The following FHIT variants were observed in gnomAD, a reference collection of about 807,000 sequenced individuals.
FHIT encodes bis(5'-adenosyl)-triphosphatase.
A neutral mutation model predicts 17.9 loss-of-function variants in FHIT; 19 were observed. That is an observed-to-expected ratio of 1.06 (90% CI 0.74 to 1.56). The LOEUF is 1.56. Ranked by LOEUF, FHIT falls within the 40% of genes most tolerant of loss-of-function variation. The pLI, the probability that FHIT is intolerant of heterozygous loss-of-function variation, is 0.00. For missense variants in FHIT, 248 were observed against 189.2 expected (o/e 1.31, Z -1.82); for synonymous variants, 81 against 69.7 (o/e 1.16, Z -0.81).
At chr3:60,554,591 T>C (rs1217385040) in intron 4 of FHIT, among the ~76,000 whole-genome samples, 1 of 152,116 alleles carries the variant, frequency 6.6e-6, no homozygotes, top group African/African-American at 2.4e-5. Flanking sequence ...TCCAAAGGGG[T>C]TCCTGTAGCA....
chr3:61,203,249 T>G (rs1010802342), intron 1 of FHIT, among the ~76,000 whole-genome samples: 6 of 149,500 alleles, frequency 4.0e-5, no homozygotes, highest in Non-Finnish European at 7.4e-5. Context: ...CTCAGGAGGC[T>G]GAGGCAGGAG....
intron 5 of FHIT, among the ~76,000 whole-genome samples, chr3:60,254,434 C>T (rs966145884): frequency 2.6e-5 from 4 of 151,990 alleles, no homozygotes; most frequent in African/African-American, 9.7e-5. Context: ...CTATATCAAA[C>T]GCACAGCAGA....
chr3:60,510,161 T>A (rs2034894066), intron 5 of FHIT, among the ~76,000 whole-genome samples: 1 of 152,092 alleles, frequency 6.6e-6, no homozygotes, highest in Admixed American at 6.5e-5. Flanking sequence ...AGGAAACCAA[T>A]GGTAGCAAAA....
chr3:60,326,378 G>A (rs578214222), intron 5 of FHIT, among the ~76,000 whole-genome samples: 2 of 152,200 alleles, frequency 1.3e-5, no homozygotes, highest in African/African-American at 4.8e-5. Context: ...CTCATAAGGA[G>A]CGGGCAACCT....
At chr3:61,026,197 G>A (rs1469585213) in intron 3 of FHIT, among the ~76,000 whole-genome samples, 1 of 152,088 alleles carries the variant, frequency 6.6e-6, no homozygotes, top group Admixed American at 6.5e-5. Flanking sequence ...AAGAGTAAAA[G>A]AGGAGAAATA....
intron 3 of FHIT, among the ~76,000 whole-genome samples, chr3:60,896,142 A>T (rs1380618055): frequency 6.6e-6 from 1 of 152,102 alleles, no homozygotes; most frequent in Non-Finnish European, 1.5e-5. Context: ...ATGATTTTAG[A>T]TGGAACAGTT....
intron 5 of FHIT, among the ~76,000 whole-genome samples, chr3:60,198,160 G>C (rs1248874849): frequency 6.6e-6 from 1 of 151,966 alleles, no homozygotes; most frequent in Non-Finnish European, 1.5e-5. Flanking sequence ...CTACAGAGTA[G>C]AGTTCTGAGA....
At chr3:59,809,047 A>G (rs147464626) in intron 8 of FHIT, among the ~76,000 whole-genome samples, 1 of 152,348 alleles carries the variant, frequency 6.6e-6, no homozygotes, top group East Asian at 1.9e-4. Context: ...GAACTACAGT[A>G]TCAGCCCAGC....
chr3:60,608,620 AG>A (rs2038684516), intron 4 of FHIT, among the ~76,000 whole-genome samples: 1 of 152,178 alleles, frequency 6.6e-6, no homozygotes, highest in Non-Finnish European at 1.5e-5. Flanking sequence ...TGGGTCAAAC[AG>A]GAACTGGGCC....
chr3:60,226,107 T>C (rs182808666), intron 5 of FHIT, among the ~76,000 whole-genome samples: 57 of 152,140 alleles, frequency 3.7e-4, no homozygotes, highest in African/African-American at 1.1e-3. Flanking sequence ...GGGAATCCAT[T>C]TGGGGAAGAA....
intron 5 of FHIT, among the ~76,000 whole-genome samples, chr3:60,269,840 T>C (rs909102027): frequency 1.3e-4 from 20 of 152,304 alleles, no homozygotes; most frequent in African/African-American, 4.3e-4. Context: ...TCTAACTTCA[T>C]TTTAAAAAAC....
intron 8 of FHIT, among the ~76,000 whole-genome samples, chr3:59,792,881 G>A (rs556912929): frequency 4.8e-5 from 7 of 145,746 alleles, no homozygotes; most frequent in Admixed American, 6.9e-5. Context: ...TTGGGGGGGG[G>A]GGTCATGAAC....
At chr3:60,776,370 A>G (rs1476070973) in intron 4 of FHIT, among the ~76,000 whole-genome samples, 2 of 152,222 alleles carry the variant, frequency 1.3e-5, no homozygotes, top group African/African-American at 2.4e-5. Context: ...CTTGAATCTA[A>G]TATTTTTTAA....
At chr3:59,837,497 A>G (rs373279583) in intron 8 of FHIT, among the ~76,000 whole-genome samples, 2 of 151,628 alleles carry the variant, frequency 1.3e-5, no homozygotes, top group Admixed American at 6.6e-5. Context: ...AATATTTCCA[A>G]TCCTCCATTG....
intron 5 of FHIT, among the ~76,000 whole-genome samples, chr3:60,291,764 T>C (rs775386459): frequency 3.9e-5 from 6 of 152,170 alleles, no homozygotes; most frequent in Middle Eastern, 3.4e-3. Context: ...GGTATCTTTA[T>C]GAGAGAAAGG....
rs188652899 is a variant in FHIT, at chr3:60,761,523, G to A, written c.-18+60396C>T. On this transcript the variant is annotated intron_variant, in intron 4 of 9. Transcript: ENST00000492590. ...GAAATATTTACTTGCAAGTATAAAGGAGACCCTTTGAATGTCTGATTTGAA... is the reference window on the plus strand; with the variant it reads ...GAAATATTTACTTGCAAGTATAAAGAAGACCCTTTGAATGTCTGATTTGAA... Among the ~76,000 whole-genome samples the A allele has an allele frequency of 7.4e-4, 112 of 151,948 alleles. 1 individual carries two copies. Among genetic ancestry groups the A allele is most frequent in the East Asian group, 1.4e-3 (7 of 5,166 alleles).
At chr3:59,819,895 A>C (rs554600864) in intron 8 of FHIT, among the ~76,000 whole-genome samples, 34 of 152,280 alleles carry the variant, frequency 2.2e-4, no homozygotes, top group South Asian at 6.2e-4. Flanking sequence ...AAAGACACTG[A>C]AGCAAGCACT....
At chr3:60,877,082 T>G (rs782330246) in intron 3 of FHIT, among the ~76,000 whole-genome samples, 2 of 152,204 alleles carry the variant, frequency 1.3e-5, no homozygotes, top group Non-Finnish European at 2.9e-5. Flanking sequence ...TAAGTCCAGC[T>G]GAGGGAGCTG....
chr3:60,287,673 C>T (rs949797497), intron 5 of FHIT, among the ~76,000 whole-genome samples: 1 of 152,074 alleles, frequency 6.6e-6, no homozygotes, highest in Non-Finnish European at 1.5e-5. Context: ...ACCATCTCAT[C>T]ATCAAGTATT....
Sources: gnomAD v4.1 joint callset for allele counts (sites outside exome capture counted in the v4.1 genomes callset) on GRCh38, gnomAD v4.1.1 for gene constraint, MANE v1.5 for transcripts, NCBI Gene and HGNC (gene_info 2026-07-23, HGNC 2026-07-21) for gene names.